The following CD1B variants were observed in gnomAD, a reference collection of about 807,000 sequenced individuals.
CD1B encodes CD1b molecule.
CD1B carries 43 observed loss-of-function variants against 39.8 expected under a neutral mutation model. The ratio of observed to expected loss-of-function variants is 1.08; its 90% CI spans 0.85 to 1.39. The LOEUF (loss-of-function observed/expected upper bound fraction) is 1.39. Ranked by LOEUF, CD1B falls within the 40% of genes most tolerant of loss-of-function variation. The pLI is 0.00. For missense variants in CD1B, 495 were observed against 403.8 expected, an observed-to-expected ratio of 1.23 and a Z score of -1.94; for synonymous variants, 192 against 152.5, an observed-to-expected ratio of 1.26 and a Z score of -1.91.
chr1:158,327,539 G>T (rs1226033343), downstream of CD1B, among the ~76,000 whole-genome samples: 3 of 152,104 alleles, frequency 2.0e-5, no homozygotes. Context: ...CACTTAACTT[G>T]GCAGTTACAG....
the CD1B span, among the ~76,000 whole-genome samples, chr1:158,298,195 G>A: frequency 6.6e-5 from 10 of 152,088 alleles, no homozygotes; most frequent in South Asian, 6.2e-4. Flanking sequence ...AGAAGACTTA[G>A]CTATCCTCAA....
At chr1:158,316,217 G>T in the CD1B span, among the ~76,000 whole-genome samples, 2 of 151,998 alleles carry the variant, frequency 1.3e-5, 1 homozygote, top group Middle Eastern at 6.3e-3. Context: ...GCTTGATGGG[G>T]ATGGCATTGA....
chr1:158,311,285 T>C, the CD1B span, among the ~76,000 whole-genome samples: 2 of 152,220 alleles, frequency 1.3e-5, no homozygotes, highest in African/African-American at 4.8e-5. Context: ...TTAGTCATGT[T>C]GAGCATATTA....
chr1:158,322,285 G>A, the CD1B span, among the ~76,000 whole-genome samples: 1 of 152,124 alleles, frequency 6.6e-6, no homozygotes, highest in South Asian at 2.1e-4. Flanking sequence ...CACCCAGGCT[G>A]GAGTGCTGTG....
At chr1:158,325,473 C>T (rs1239624592), downstream of CD1B, among the ~76,000 whole-genome samples, 2 of 152,014 alleles carry the variant, frequency 1.3e-5, no homozygotes, top group African/African-American at 4.8e-5. Flanking sequence ...AGCTGTAAAG[C>T]CACGCTTCTC....
At chr1:158,292,722 A>G in the CD1B span, 2 of 1,614,216 alleles carry the variant, frequency 1.2e-6, no homozygotes, top group Non-Finnish European at 1.7e-6. Context: ...GAACAGGAGC[A>G]ACTGGGCACT....
the CD1B span, among the ~76,000 whole-genome samples, chr1:158,318,699 T>C: frequency 1.5e-4 from 23 of 152,204 alleles, no homozygotes; most frequent in Non-Finnish European, 2.9e-4. Flanking sequence ...AATTTGATCC[T>C]GTCATTATGA....
the CD1B span, among the ~76,000 whole-genome samples, chr1:158,304,874 G>T: frequency 3.3e-5 from 5 of 152,166 alleles, no homozygotes; most frequent in African/African-American, 9.7e-5. Flanking sequence ...GCTGCTGAGG[G>T]TCCTGACTGT....
chr1:158,291,944 T>G, the CD1B span: 1 of 807,344 alleles, frequency 1.2e-6, no homozygotes, highest in South Asian at 1.8e-5. Context: ...CTCTCTTGTT[T>G]CTGATCAAAT....
chr1:158,303,775 A>G, the CD1B span, among the ~76,000 whole-genome samples: 2 of 152,242 alleles, frequency 1.3e-5, no homozygotes, highest in Non-Finnish European at 2.9e-5. Context: ...CAGAGATTAT[A>G]CAACTGAATG....
the CD1B span, among the ~76,000 whole-genome samples, chr1:158,308,704 A>G: frequency 6.6e-6 from 1 of 152,238 alleles, no homozygotes; most frequent in Admixed American, 6.5e-5. Context: ...GATCTTTGAC[A>G]AAGCTGACAA....
the CD1B span, among the ~76,000 whole-genome samples, chr1:158,301,000 T>C: frequency 4.1e-4 from 62 of 152,122 alleles, no homozygotes; most frequent in African/African-American, 1.3e-3. Context: ...CTTCATGATC[T>C]GCCCACCTCA....
downstream of CD1B, among the ~76,000 whole-genome samples, chr1:158,327,730 C>T (rs1010391785): frequency 1.3e-5 from 2 of 152,154 alleles, no homozygotes; most frequent in African/African-American, 2.4e-5. Context: ...TTTATTATAG[C>T]ACTAGGAAAG....
chr1:158,296,183 T>C, the CD1B span, among the ~76,000 whole-genome samples: 9,937 of 129,860 alleles, frequency 0.077, 1,049 homozygotes, highest in African/African-American at 0.26. Flanking sequence ...CCCCCCACCC[T>C]GCCCACCATA....
the CD1B span, among the ~76,000 whole-genome samples, chr1:158,320,081 C>T: frequency 2.0e-5 from 3 of 152,340 alleles, no homozygotes; most frequent in African/African-American, 4.8e-5. Context: ...CAGACAGGGA[C>T]ATTTAAGTCT....
the CD1B span, chr1:158,292,234 A>G: frequency 6.2e-7 from 1 of 1,614,198 alleles, no homozygotes; most frequent in Non-Finnish European, 8.5e-7. Context: ...AGTTTGGCCC[A>G]AAGTGTCTGT....
chr1:158,294,003 A>T, the CD1B span, among the ~76,000 whole-genome samples: 1 of 152,226 alleles, frequency 6.6e-6, no homozygotes. Flanking sequence ...TAAATGCTTC[A>T]TACCTAGCAG....
downstream of CD1B, among the ~76,000 whole-genome samples, chr1:158,323,882 G>T (rs1324488447): frequency 2.6e-5 from 4 of 152,198 alleles, no homozygotes; most frequent in African/African-American, 7.2e-5. Context: ...GGAGGAGCTG[G>T]AGCTGAGACT....
the CD1B span, among the ~76,000 whole-genome samples, chr1:158,298,786 G>A: frequency 6.6e-6 from 1 of 152,158 alleles, no homozygotes; most frequent in Admixed American, 6.5e-5. Context: ...GATTGTGAAT[G>A]GGAGTTCACT....
Sources: gnomAD v4.1 joint callset for allele counts (sites outside exome capture counted in the v4.1 genomes callset) on GRCh38, gnomAD v4.1.1 for gene constraint, MANE v1.5 for transcripts, NCBI Gene and HGNC (gene_info 2026-07-23, HGNC 2026-07-21) for gene names.